The following DENND2A variants were observed in gnomAD, a reference collection of about 807,000 sequenced individuals.
DENND2A encodes the protein DENN domain-containing protein 2A.
Under a neutral mutation model 105.3 loss-of-function variants are expected in DENND2A, and 53 were observed. The observed-to-expected ratio is 0.50, with a 90% CI of 0.40 to 0.63. DENND2A has a LOEUF of 0.63. Ranked by LOEUF, DENND2A falls within the 30% of genes least tolerant of loss-of-function variation. The pLI is 0.00. For missense variants in DENND2A, 1,138 were observed against 1,279.6 expected (o/e 0.89, Z 1.69); for synonymous variants, 522 against 508.4 (o/e 1.03, Z -0.36).
chr7:140,621,608 T>G (rs1305643022), intron 1 of DENND2A, among the ~76,000 whole-genome samples: 1 of 152,152 alleles, frequency 6.6e-6, no homozygotes. Context: ...AAAGGGCCTG[T>G]TATAGTCACG....
intron 6 of DENND2A, among the ~76,000 whole-genome samples, chr7:140,570,437 A>G (rs1392195112): frequency 6.6e-6 from 1 of 152,238 alleles, no homozygotes; most frequent in Admixed American, 6.5e-5. Context: ...ACAGAAAAAA[A>G]AAGTTCCCAG....
intron 3 of DENND2A, among the ~76,000 whole-genome samples, chr7:140,599,197 G>C (rs1237774927): frequency 6.6e-6 from 1 of 152,042 alleles, no homozygotes; most frequent in Admixed American, 6.6e-5. Flanking sequence ...AATTAGCCAG[G>C]CGTGGTGGCG....
chr7:140,569,369 C>A (rs1797996481), intron 7 of DENND2A, among the ~76,000 whole-genome samples: 1 of 152,220 alleles, frequency 6.6e-6, no homozygotes, highest in South Asian at 2.1e-4. Flanking sequence ...CCCTTTTGTG[C>A]AGGCTAAGCA....
intron 3 of DENND2A, among the ~76,000 whole-genome samples, chr7:140,596,297 C>T (rs1213563001): frequency 6.6e-6 from 1 of 152,198 alleles, no homozygotes; most frequent in Non-Finnish European, 1.5e-5. Context: ...TCAAGTTTCT[C>T]AGAAGCTTCC....
chr7:140,555,567 T>C lies in DENND2A; in HGVS notation c.2037+69A>G, dbSNP rs1585620148. 12 of 1,344,558 alleles carry C rather than the reference T, an allele frequency of 8.9e-6. No individual in the cohort carries two copies. In the East Asian group the frequency reaches 1.6e-4, roughly 18 times the overall value. 83.3% of individuals were successfully genotyped at this position (1,344,558 alleles called of 1,614,324 possible). ...TGATAGAAGGCCCAGGACATGGGGG[T>C]ATTCCCTGGAGCCCTCTAGAGCCCT... On this transcript the variant is annotated intron_variant, in intron 12 of 19. Coordinates refer to ENST00000496613, the MANE Select transcript of DENND2A (RefSeq NM_015689.5).
At position 140,559,339 on chromosome 7, in the gene DENND2A, C is replaced by T. The variant is rs1314647894; in HGVS notation, c.1889+369G>A. Among the ~76,000 whole-genome samples, 2 of 152,138 alleles carry T rather than the reference C, an allele frequency of 1.3e-5. No homozygotes were observed. The highest frequency in any genetic ancestry group is 1.9e-4 in the East Asian group (1 of 5,188). ...ATAAAAACACTGGTGTCTAATTACTCGGGATGAAGCAGAAATGTAAACGGA... is the reference window on the plus strand; with the variant it reads ...ATAAAAACACTGGTGTCTAATTACTTGGGATGAAGCAGAAATGTAAACGGA... On this transcript the variant is annotated intron_variant, in intron 10 of 19. Transcript: ENST00000496613. This position sits in a 1 kb window ranked among gnomAD's most constrained non-coding sequence, Gnocchi z 4.1.
At chr7:140,526,610 C>T (rs1796064223) in intron 15 of DENND2A, among the ~76,000 whole-genome samples, 2 of 152,204 alleles carry the variant, frequency 1.3e-5, no homozygotes, top group South Asian at 4.1e-4. Flanking sequence ...GGCACCCAGA[C>T]GAACTCCTGG....
chr7:140,565,171 G>T (rs1481385930), intron 9 of DENND2A, among the ~76,000 whole-genome samples: 1 of 152,180 alleles, frequency 6.6e-6, no homozygotes, highest in Non-Finnish European at 1.5e-5. Context: ...GGGACAGCAG[G>T]ATCTGGGCCT....
intron 14 of DENND2A, among the ~76,000 whole-genome samples, chr7:140,541,977 T>C (rs1447761476): frequency 1.3e-5 from 2 of 152,282 alleles, no homozygotes; most frequent in South Asian, 2.1e-4. Context: ...CATTCTTCTA[T>C]GCCTTTTTTT....
intron 2 of DENND2A, among the ~76,000 whole-genome samples, 178 bp downstream of exon 2, chr7:140,605,527 C>A (rs1371012651): frequency 6.6e-6 from 1 of 151,914 alleles, no homozygotes; most frequent in African/African-American, 2.4e-5. Context: ...CTCTCTCGAT[C>A]AGTTTGGCCT....
At chr7:140,550,652 G>C (rs572980450) in intron 12 of DENND2A, among the ~76,000 whole-genome samples, 2 of 151,966 alleles carry the variant, frequency 1.3e-5, no homozygotes, top group Admixed American at 1.3e-4. Flanking sequence ...AGTAGAGATC[G>C]GGTTTCACCA....
chr7:140,618,078 T>C (rs1800147998), intron 1 of DENND2A, among the ~76,000 whole-genome samples: 1 of 152,208 alleles, frequency 6.6e-6, no homozygotes, highest in African/African-American at 2.4e-5. Flanking sequence ...GAACACTAAA[T>C]TACAGTGTGT....
At chr7:140,614,259 G>C (rs186496055) in intron 1 of DENND2A, among the ~76,000 whole-genome samples, 1 of 152,132 alleles carries the variant, frequency 6.6e-6, no homozygotes, top group African/African-American at 2.4e-5. Flanking sequence ...CGTGCACCAA[G>C]ACATCCAGCT....
chr7:140,602,353 T>A lies in DENND2A; in HGVS notation c.45A>T (p.Ala15=). The A allele has an allele frequency of 6.3e-7, 1 of 1,592,776 alleles. No individual in the cohort carries two copies. Among genetic ancestry groups the A allele is most frequent in the South Asian group, 1.1e-5 (1 of 90,676 alleles). ...SLDMIISDPA[A]EASRAGKKQL... is the part of the protein sequence containing the mutation. ...GCTTCTTCCCAGCCCTGCTGGCTTCTGCAGCTGGGTCACTGATGATCATAT... is the reference window on the plus strand; with the variant it reads ...GCTTCTTCCCAGCCCTGCTGGCTTCAGCAGCTGGGTCACTGATGATCATAT... Residue 15 remains alanine (A), a synonymous_variant, in exon 3 of 20, where the codon GCA becomes GCT. Transcript: ENST00000496613.
chr7:140,544,939 A>C, intron 13 of DENND2A, 173 bp from the exon 14 acceptor site: 1 of 892,562 alleles, frequency 1.1e-6, no homozygotes, highest in Non-Finnish European at 1.3e-6. Flanking sequence ...AAGATGCCAG[A>C]AGACGGGGGG....
chr7:140,606,776 T>G (rs925434692), intron 1 of DENND2A, among the ~76,000 whole-genome samples: 1 of 152,158 alleles, frequency 6.6e-6, no homozygotes, highest in Admixed American at 6.6e-5. Context: ...GCAAGGCCTG[T>G]GTGGATACCA....
chr7:140,585,542 C>T (rs746425005), intron 5 of DENND2A, 47 bp downstream of exon 5: 1 of 1,611,978 alleles, frequency 6.2e-7, no homozygotes, highest in Non-Finnish European at 8.5e-7. Flanking sequence ...CTCAAGGCCA[C>T]CATGCTTTGG....
intron 5 of DENND2A, 106 bp from the exon 6 acceptor site, chr7:140,574,114 G>C (rs1798205747): frequency 1.5e-6 from 2 of 1,297,166 alleles, no homozygotes; most frequent in African/African-American, 1.5e-5. Context: ...AAGAGGAACT[G>C]GTCTATGTTC....
intron 1 of DENND2A, among the ~76,000 whole-genome samples, chr7:140,613,705 A>C (rs1433689154): frequency 1.3e-5 from 2 of 151,926 alleles, no homozygotes; most frequent in Non-Finnish European, 2.9e-5. Flanking sequence ...TACAGCTTAG[A>C]TTGTGAAACA....
Sources: gnomAD v4.1 joint callset for allele counts (sites outside exome capture counted in the v4.1 genomes callset) on GRCh38, gnomAD v4.1.1 for gene constraint, Gnocchi (gnomAD v3.1) non-coding constraint, MANE v1.5 for transcripts, NCBI Gene and HGNC (gene_info 2026-07-23, HGNC 2026-07-21) for gene names.